The following HS6ST3 variants were observed in gnomAD, a reference collection of about 807,000 sequenced individuals.
HS6ST3 encodes heparan sulfate 6-O-sulfotransferase 3, also known as heparan-sulfate 6-O-sulfotransferase 3.
Under a neutral mutation model 36.7 loss-of-function variants are expected in HS6ST3, and 12 were observed. The observed-to-expected ratio is 0.33, with a 90% CI of 0.21 to 0.53. The LOEUF (loss-of-function observed/expected upper bound fraction) is 0.53. Among genes scored for constraint, HS6ST3 ranks in the 20% least tolerant of loss-of-function variants. HS6ST3 has a pLI of 0.95. For missense variants in HS6ST3, 584 were observed against 640.9 expected (o/e 0.91, Z 0.96); for synonymous variants, 240 against 257.5 (o/e 0.93, Z 0.65).
At chr13:96,113,317 C>G (rs2053879435) in intron 1 of HS6ST3, among the ~76,000 whole-genome samples, 3 of 152,136 alleles carry the variant, frequency 2.0e-5, no homozygotes, top group Admixed American at 6.5e-5. Flanking sequence ...TGAGCAGGAG[C>G]TCAGTGACTT....
intron 1 of HS6ST3, among the ~76,000 whole-genome samples, chr13:96,327,220 T>C (rs999994028): frequency 1.3e-5 from 2 of 151,942 alleles, no homozygotes; most frequent in African/African-American, 4.8e-5. Context: ...TTTGTTGCCA[T>C]TGCTTCTGGT....
intron 1 of HS6ST3, among the ~76,000 whole-genome samples, chr13:96,698,880 T>C (rs1321264240): frequency 2.0e-5 from 3 of 152,120 alleles, no homozygotes; most frequent in Non-Finnish European, 4.4e-5. Flanking sequence ...CAAAACAGCA[T>C]GGTACTGGTG....
rs548578219 is a variant in HS6ST3, at chr13:96,467,593, C to T, written c.708-364897C>T. Among the ~76,000 whole-genome samples the T allele has an allele frequency of 3.7e-4, 57 of 152,168 alleles. 1 individual carries two copies. Among genetic ancestry groups the T allele is most frequent in the Non-Finnish European group, 6.2e-4 (42 of 67,994 alleles). ...AGGCCTGGTGTGTTTCCTCAAGGAA[C>T]CTATAATCTAAAGGAACAGATATCT... is the stretch of plus-strand genomic sequence containing the variant. On this transcript the variant is annotated intron_variant, in intron 1 of 1. Coordinates refer to ENST00000376705, the MANE Select transcript of HS6ST3 (RefSeq NM_153456.4).
At chr13:96,361,432 T>C (rs1432261752) in intron 1 of HS6ST3, among the ~76,000 whole-genome samples, 1 of 152,230 alleles carries the variant, frequency 6.6e-6, no homozygotes, top group Non-Finnish European at 1.5e-5. Context: ...TAAAAGGCTG[T>C]TAGGGAAGGC....
At chr13:96,653,163 G>A (rs536554204) in intron 1 of HS6ST3, among the ~76,000 whole-genome samples, 1 of 152,016 alleles carries the variant, frequency 6.6e-6, no homozygotes, top group Non-Finnish European at 1.5e-5. Flanking sequence ...CTGAGGATTG[G>A]GAAACCTCAA....
At chr13:96,397,854 T>TCATGAGG (rs1566349075) in intron 1 of HS6ST3, among the ~76,000 whole-genome samples, 1 of 151,602 alleles carries the variant, frequency 6.6e-6, no homozygotes, top group Non-Finnish European at 1.5e-5. Flanking sequence ...CACAACAACC[T>TCATGAGG]TATCTAGACC....
At chr13:96,689,223 C>T (rs1874869108) in intron 1 of HS6ST3, among the ~76,000 whole-genome samples, 1 of 152,048 alleles carries the variant, frequency 6.6e-6, no homozygotes, top group African/African-American at 2.4e-5. Flanking sequence ...AGAGTCAGCA[C>T]TTGGCAAGTT....
At chr13:96,781,102 TC>T (rs567192299) in intron 1 of HS6ST3, among the ~76,000 whole-genome samples, 14 of 152,306 alleles carry the variant, frequency 9.2e-5, no homozygotes, top group Middle Eastern at 3.4e-3. Flanking sequence ...CGCTCATTCT[TC>T]CATCTCTCCA....
intron 1 of HS6ST3, among the ~76,000 whole-genome samples, chr13:96,294,021 G>A (rs72642980): frequency 0.021 from 3,177 of 152,202 alleles, 114 homozygotes; most frequent in Admixed American, 0.1. Flanking sequence ...GCCGATAATA[G>A]GACCATTAAT....
intron 1 of HS6ST3, among the ~76,000 whole-genome samples, chr13:96,626,841 TA>T (rs911342298): frequency 8.6e-5 from 13 of 152,032 alleles, no homozygotes; most frequent in African/African-American, 1.7e-4. Flanking sequence ...GTATTTTTTT[TA>T]AAAAAATACA....
chr13:96,558,165 A>G (rs2056248440), intron 1 of HS6ST3, among the ~76,000 whole-genome samples: 1 of 152,122 alleles, frequency 6.6e-6, no homozygotes, highest in African/African-American at 2.4e-5. Context: ...TTATAAATAA[A>G]TGTGTCATCC....
At chr13:96,643,241 G>A (rs182101244) in intron 1 of HS6ST3, among the ~76,000 whole-genome samples, 1 of 152,016 alleles carries the variant, frequency 6.6e-6, no homozygotes, top group East Asian at 1.9e-4. Flanking sequence ...AGCTTGGTGT[G>A]TGTACAGGGG....
Position 96,195,327 on chromosome 13 carries a change from C to T in HS6ST3, c.707+103758C>T, listed in dbSNP as rs563877965. On this transcript the variant is annotated intron_variant, in intron 1 of 1. Transcript: ENST00000376705. ...GAAAATCTTTAATGCCATCTTTGAG[C>T]TTTTGCTTGATAAAAGGAACTACTG... Among the ~76,000 whole-genome samples the T allele has an allele frequency of 9.9e-5, 15 of 152,242 alleles. No homozygotes were observed. The South Asian group carries it at 2.9e-3, about 29-fold the overall frequency.
intron 1 of HS6ST3, among the ~76,000 whole-genome samples, chr13:96,435,425 T>A (rs948118392): frequency 1.3e-5 from 2 of 152,166 alleles, no homozygotes; most frequent in African/African-American, 4.8e-5. Context: ...GACATACCCA[T>A]CTGGCCAGCC....
chr13:96,465,595 G>GGA (rs928442242), intron 1 of HS6ST3, among the ~76,000 whole-genome samples: 3 of 152,072 alleles, frequency 2.0e-5, no homozygotes, highest in African/African-American at 7.2e-5. Flanking sequence ...TTAGACTCAT[G>GGA]GAGAGAGAGA....
chr13:96,163,831 T>C (rs541798820), intron 1 of HS6ST3, among the ~76,000 whole-genome samples: 1 of 152,342 alleles, frequency 6.6e-6, no homozygotes, highest in South Asian at 2.1e-4. Context: ...CTGCCAGTGT[T>C]GACAGTTCTT....
chr13:96,683,313 A>T (rs1361052742), intron 1 of HS6ST3, among the ~76,000 whole-genome samples: 1 of 152,074 alleles, frequency 6.6e-6, no homozygotes. Context: ...CAGTACCATG[A>T]TATTCACATT....
At chr13:96,267,539 T>A (rs1459185070) in intron 1 of HS6ST3, among the ~76,000 whole-genome samples, 3 of 150,448 alleles carry the variant, frequency 2.0e-5, no homozygotes, top group African/African-American at 7.5e-5. Flanking sequence ...TGAATGTCCT[T>A]TGTGTTATTA....
intron 1 of HS6ST3, among the ~76,000 whole-genome samples, chr13:96,464,019 GTTTTTTTT>G (rs66703746): frequency 0.61 from 78,258 of 127,400 alleles, 25,729 homozygotes; most frequent in South Asian, 0.79. Context: ...CCATAGACAG[GTTTTTTTT>G]TTTTTTTTTT....
Sources: allele counts gnomAD v4.1 joint callset (sites outside exome capture counted in the v4.1 genomes callset), GRCh38; gene constraint gnomAD v4.1.1; transcripts MANE v1.5; gene names NCBI Gene and HGNC (gene_info 2026-07-23, HGNC 2026-07-21).